Variants in MTA1 observed in about 807,000 individuals in gnomAD.
MTA1 encodes metastasis-associated protein MTA1.
Under a neutral mutation model 97.0 loss-of-function variants are expected in MTA1, and 15 were observed. The observed-to-expected ratio is 0.15, with a 90% CI of 0.10 to 0.24. The LOEUF (loss-of-function observed/expected upper bound fraction) is 0.24. Ranked by LOEUF, MTA1 falls within the 10% of genes least tolerant of loss-of-function variation. The pLI is 1.00. For synonymous variants in MTA1, 435 were observed against 417.5 expected, an observed-to-expected ratio of 1.04 and a Z score of -0.51; for missense variants, 709 against 1,015.1, an observed-to-expected ratio of 0.70 and a Z score of 4.10.
chr14:105,469,330 C>T, intron 18 of MTA1, 137 bp from the exon 19 acceptor site: 1 of 963,588 alleles, frequency 1.0e-6, no homozygotes, highest in East Asian at 2.5e-5. Context: ...CCCCCAGGCC[C>T]ATCCTGGGTG....
chr14:105,427,864 CA>C (rs1292691235), intron 1 of MTA1, among the ~76,000 whole-genome samples: 1 of 151,584 alleles, frequency 6.6e-6, no homozygotes, highest in East Asian at 1.9e-4. Flanking sequence ...ACTAAAAATA[CA>C]AAAAAAGCCA....
chr14:105,461,939 C>A (rs2083363580), intron 10 of MTA1, among the ~76,000 whole-genome samples: 1 of 152,352 alleles, frequency 6.6e-6, no homozygotes, highest in Middle Eastern at 3.4e-3. Flanking sequence ...CATGTTCAGA[C>A]AAGAGGACGA....
At chr14:105,437,331 G>A (rs1469213819) in intron 1 of MTA1, among the ~76,000 whole-genome samples, 5 of 148,994 alleles carry the variant, frequency 3.4e-5, no homozygotes, top group African/African-American at 1.2e-4. Context: ...GCGTCCTCAT[G>A]GGAGTGTCCT....
chr14:105,453,808 C>T (rs1382273696), intron 6 of MTA1, among the ~76,000 whole-genome samples: 1 of 152,166 alleles, frequency 6.6e-6, no homozygotes, highest in Non-Finnish European at 1.5e-5. Flanking sequence ...CGAAACTCTG[C>T]CTCAAAAAAA....
chr14:105,467,651 C>T (rs1328561984), intron 18 of MTA1: 10 of 367,466 alleles, frequency 2.7e-5, no homozygotes, highest in South Asian at 1.4e-4. Context: ...GTCTGTGTCT[C>T]GGCCCCAGCC....
chr14:105,426,635 G>A (rs1021317614), intron 1 of MTA1, among the ~76,000 whole-genome samples: 1 of 150,484 alleles, frequency 6.6e-6, no homozygotes, highest in South Asian at 2.1e-4. Flanking sequence ...ATGAGGGAAC[G>A]TCTGTCTGCA....
Position 105,465,079 on chromosome 14 carries a change from T to C in MTA1, c.1535-15T>C. On this transcript the variant is annotated splice_polypyrimidine_tract_variant and intron_variant, in intron 15 of 20. Coordinates refer to ENST00000331320, the MANE Select transcript of MTA1 (RefSeq NM_004689.4). The stretch of plus-strand genomic sequence containing the variant: ...TGGGGGTGCCCCACCCCTCACACCG[T>C]GTGGTACCCCGCAGGCACGGCGCGG... The C allele has an allele frequency of 1.3e-6, 2 of 1,503,342 alleles. No individual in the cohort carries two copies. Among genetic ancestry groups the C allele is most frequent in the East Asian group, 2.5e-5 (1 of 39,954 alleles). 93.1% of individuals were successfully genotyped at this position (1,503,342 alleles called of 1,614,324 possible).
chr14:105,437,618 T>G (rs2082372571), intron 1 of MTA1, among the ~76,000 whole-genome samples: 1 of 152,300 alleles, frequency 6.6e-6, no homozygotes, highest in South Asian at 2.1e-4. Flanking sequence ...TTGGCCTCCG[T>G]GTGGACAGAT....
At chr14:105,439,265 C>T (rs1170934672) in intron 2 of MTA1, among the ~76,000 whole-genome samples, 3 of 152,138 alleles carry the variant, frequency 2.0e-5, no homozygotes, top group Admixed American at 2.0e-4. Flanking sequence ...TGGCTGGAAG[C>T]GCCCTCCCTG....
In MTA1 at chr14:105,469,916, C is replaced by A; in HGVS notation, c.1921C>A (p.Pro641Thr). 3 of 1,612,026 alleles carry A rather than the reference C, an allele frequency of 1.9e-6. No individual in the cohort carries two copies. The highest frequency in any genetic ancestry group is 2.5e-6 in the Non-Finnish European group (3 of 1,179,606). Residue 641 changes from proline (P) to threonine (T), a missense_variant, in exon 20 of 21, where the codon CCC (proline) becomes ACC (threonine). Coordinates refer to ENST00000331320, the MANE Select transcript of MTA1 (RefSeq NM_004689.4). ...GCGCCTGATCCGGGGGGGCTCCCTG[C>A]CCCCAGTCAAGCGGCGGCGGATGAA... ...KVRLIRGGSL[P>T]PVKRRRMNWI...
At chr14:105,451,783 G>GT (rs869240296) in intron 6 of MTA1, among the ~76,000 whole-genome samples, 1,956 of 31,340 alleles carry the variant, frequency 0.062, 83 homozygotes, top group African/African-American at 0.097. Flanking sequence ...TTCTTTTTTT[G>GT]TTTTTTTTTT....
intron 3 of MTA1, among the ~76,000 whole-genome samples, chr14:105,447,845 C>T (rs1449823513): frequency 6.6e-6 from 1 of 152,156 alleles, no homozygotes. Flanking sequence ...TGTCAATCTC[C>T]GTTTCTCCTG....
chr14:105,469,639 G>A (rs1199945342), intron 19 of MTA1, 141 bp downstream of exon 19: 4 of 1,222,562 alleles, frequency 3.3e-6, no homozygotes, highest in South Asian at 1.4e-5. Context: ...GCTGCAGCAT[G>A]TGGGGGCCAT....
intron 8 of MTA1, among the ~76,000 whole-genome samples, 171 bp downstream of exon 8, chr14:105,458,543 G>A (rs1282642986): frequency 6.6e-6 from 1 of 152,214 alleles, no homozygotes; most frequent in Admixed American, 6.5e-5. Context: ...AGGCTCGGGA[G>A]TGCTGGGTCC....
intron 7 of MTA1, among the ~76,000 whole-genome samples, chr14:105,457,485 T>C (rs2083196585): frequency 6.6e-6 from 1 of 152,198 alleles, no homozygotes; most frequent in Non-Finnish European, 1.5e-5. Flanking sequence ...TGTGCCAGGC[T>C]TAGCCGCAGC....
At chr14:105,451,775 CTTTTTTTGTTTTTTTT>C (rs2082943642) in intron 6 of MTA1, among the ~76,000 whole-genome samples, 7 of 118,278 alleles carry the variant, frequency 5.9e-5, no homozygotes, top group South Asian at 5.4e-4. Context: ...TTTTCTTTTT[CTTTTTTTGTTTTTTTT>C]TTTTTTTTTT....
At position 105,424,064 on chromosome 14, in the gene MTA1, G is replaced by A. The variant is rs1394962196; in HGVS notation, c.28+4001G>A. On this transcript the variant is annotated intron_variant, in intron 1 of 20. Transcript: ENST00000331320. This position sits in a 1 kb window ranked among gnomAD's most constrained non-coding sequence, Gnocchi z 4.0. ...CCAGGTGTGATGTCCTGGAGGGGAT[G>A]GCATGGGGCTGTCCCACTTGGCCTG... Among the ~76,000 whole-genome samples the A allele has an allele frequency of 2.0e-5, 3 of 152,250 alleles. No individual in the cohort carries two copies. The highest frequency in any genetic ancestry group is 4.4e-5 in the Non-Finnish European group (3 of 68,046).
rs981498564 is a variant in MTA1 at position 105,467,592 on chromosome 14, C to T, written c.1813+850C>T. Reference sequence around the variant, plus strand: ...CCCCCCATCTCCACCTGTCTGGACACGCACCCCTGGCCTGTCCTTGCAGCT... The same window carrying T: ...CCCCCCATCTCCACCTGTCTGGACATGCACCCCTGGCCTGTCCTTGCAGCT... On this transcript the variant is annotated intron_variant, in intron 18 of 20. Transcript: ENST00000331320. The T allele has an allele frequency of 6.6e-5, 28 of 427,414 alleles. 1 individual carries two copies. The highest frequency in any genetic ancestry group is 4.3e-4 in the East Asian group (6 of 14,082). The allele number at this position is 427,414 out of a possible 1,614,324, so 26.5% of individuals were successfully genotyped here.
At position 105,451,783 on chromosome 14, in the gene MTA1, GTTTTTTTTT is replaced by G. The variant is rs869240296; in HGVS notation, c.432+1475_432+1483del. 1.6e-4 allele frequency among the ~76,000 whole-genome samples: 5 copies of G among 31,396 alleles called. No homozygotes were observed. The South Asian group carries it at 5.4e-3, about 34-fold the overall frequency. The allele number at this position is 31,396 out of a possible 152,430, so 20.6% of individuals were successfully genotyped here. On this transcript the variant is annotated intron_variant, in intron 6 of 20. Coordinates refer to ENST00000331320, the MANE Select transcript of MTA1 (RefSeq NM_004689.4). ...CCCCCCTTTTTCTTTTTCTTTTTTT[GTTTTTTTTT>G]TTTTTTTTTTTTTTTGAGACAGAGT...
Sources: allele counts gnomAD v4.1 joint callset (sites outside exome capture counted in the v4.1 genomes callset), GRCh38; gene constraint gnomAD v4.1.1; non-coding constraint Gnocchi (gnomAD v3.1); transcripts MANE v1.5; gene names NCBI Gene and HGNC (gene_info 2026-07-23, HGNC 2026-07-21).